The following ZMYND15 variants were observed in gnomAD, a reference collection of about 807,000 sequenced individuals.
ZMYND15 encodes the protein zinc finger MYND domain-containing protein 15.
ZMYND15 carries 54 observed loss-of-function variants against 81.7 expected under a neutral mutation model. The ratio of observed to expected loss-of-function variants is 0.66; its 90% CI spans 0.53 to 0.83. The LOEUF (loss-of-function observed/expected upper bound fraction) is 0.83, where lower values mean the gene tolerates loss of function less well. Among genes scored for constraint, ZMYND15 ranks in the 40% least tolerant of loss-of-function variants. The pLI is 0.00. For missense variants in ZMYND15, 925 were observed against 973.5 expected, an observed-to-expected ratio of 0.95 and a Z score of 0.66; for synonymous variants, 399 against 387.0, an observed-to-expected ratio of 1.03 and a Z score of -0.36.
At position 4,745,952 on chromosome 17, in the gene ZMYND15, G is replaced by A; in HGVS notation, c.2191G>A (p.Glu731Lys). 2 of 1,466,860 alleles carry A rather than the reference G, an allele frequency of 1.4e-6. No homozygotes were observed. The highest frequency in any genetic ancestry group is 1.8e-6 in the Non-Finnish European group (2 of 1,113,568). The allele number at this position is 1,466,860 out of a possible 1,614,324, so 90.9% of individuals were successfully genotyped here. The stretch of plus-strand genomic sequence containing the variant: ...TGCCCCCACCCGAAGGCGCCGAGGA[G>A]AAAAGAAACCTGGGCGGGGGGCCCG... ...PPAPTRRRRG[E>K]KKPGRGARRR... Residue 731 changes from glutamate (E) to lysine (K), a missense_variant, in exon 14 of 14, where the codon GAA (glutamate) becomes AAA (lysine). Glu to Lys is a moderately conservative substitution (Grantham distance 56). Transcript: ENST00000433935. The surrounding 1 kb of genome is among the most constrained non-coding windows in gnomAD (Gnocchi z 5.2).
chr17:4,742,108 A>G lies in ZMYND15; in HGVS notation c.983+38A>G, dbSNP rs766882851. 1.9e-5 allele frequency: 31 copies of G among 1,609,770 alleles called. No homozygotes were observed. In the East Asian group the frequency reaches 2.0e-4, roughly 10 times the overall value. On this transcript the variant is annotated intron_variant, in intron 4 of 13. Transcript: ENST00000433935. ...AAAGCTGGGGGAGAGGAAGACCCCAATAGGCAAATAGAAGGAAGGCAGGGT... is the reference window on the plus strand; with the variant it reads ...AAAGCTGGGGGAGAGGAAGACCCCAGTAGGCAAATAGAAGGAAGGCAGGGT...
In ZMYND15 at chr17:4,743,047, C is replaced by T. The variant is rs1916495080; in HGVS notation, c.1145-256C>T. Among the ~76,000 whole-genome samples the T allele has an allele frequency of 6.6e-6, 1 of 152,024 alleles. No homozygotes were observed. The highest frequency in any genetic ancestry group is 2.1e-4 in the South Asian group (1 of 4,824). On this transcript the variant is annotated intron_variant, in intron 5 of 13. Transcript: ENST00000433935. The surrounding 1 kb of genome is among the most constrained non-coding windows in gnomAD (Gnocchi z 4.3). Reference sequence around the variant, plus strand: ...CAACTTGAGCCCAGGAATTTGAGATCAGCCTGGGCAACATAGACTCTGTCT... The same window carrying T: ...CAACTTGAGCCCAGGAATTTGAGATTAGCCTGGGCAACATAGACTCTGTCT...
In ZMYND15 at chr17:4,742,357, G is replaced by A. The variant is rs1212221240; in HGVS notation, c.1010G>A (p.Cys337Tyr). Residue 337 changes from cysteine to tyrosine, a missense_variant, in exon 5 of 14, where the codon TGT becomes TAT. Transcript: ENST00000433935. The stretch of plus-strand genomic sequence containing the variant: ...CCCCAGTGTAGTGCTGTCTTGTATT[G>A]TGGAGAGGCTTGTCTCCGGGCTGAC... The part of the protein sequence containing the change: ...PCPQCSAVLY[C>Y]GEACLRADWQ... The A allele has an allele frequency of 4.3e-6, 7 of 1,614,130 alleles. No individual in the cohort carries two copies. The highest frequency in any genetic ancestry group is 5.9e-6 in the Non-Finnish European group (7 of 1,179,988).
rs1006836220 is a variant in ZMYND15 at position 4,743,175 on chromosome 17, G to A, written c.1145-128G>A. 1 of 1,111,182 alleles carries A rather than the reference G, an allele frequency of 9.0e-7. No homozygotes were observed. The highest frequency in any genetic ancestry group is 1.6e-5 in the African/African-American group (1 of 63,500). The allele number at this position is 1,111,182 out of a possible 1,614,324, so 68.8% of individuals were successfully genotyped here. A position where few individuals can be genotyped will look rare whatever the true frequency, so the allele number is the denominator to read the frequency against. On this transcript the variant is annotated intron_variant, in intron 5 of 13. Coordinates refer to ENST00000433935, the MANE Select transcript of ZMYND15 (RefSeq NM_001136046.3). The surrounding 1 kb of genome is among the most constrained non-coding windows in gnomAD (Gnocchi z 4.3). ...AATCGTTTGAGTCCAAGAGGTCGAG[G>A]CTGTAGTGTCCCGTGATCACGCCAC...
In ZMYND15 at chr17:4,741,976, T is replaced by C. The variant is rs977994212; in HGVS notation, c.889T>C (p.Trp297Arg). The change falls in exon 4 of 14, where the codon TGG (tryptophan) becomes CGG (arginine). Residue 297 changes from tryptophan to arginine, a missense_variant. Coordinates refer to ENST00000433935, the MANE Select transcript of ZMYND15 (RefSeq NM_001136046.3). ...VKLAKTPMRT[W>R]GPRPGFTFAS... ...GTTAGCCAAAACCCCAATGCGGACA[T>C]GGGGTCCCCGGCCAGGCTTCACCTT... 8 of 1,614,072 alleles carry C rather than the reference T, an allele frequency of 5.0e-6. No individual in the cohort carries two copies. The highest frequency in any genetic ancestry group is 6.8e-6 in the Non-Finnish European group (8 of 1,180,042).
Position 4,744,120 on chromosome 17 carries a change from G to T in ZMYND15, c.1495+13G>T, listed in dbSNP as rs1195975439. 6.2e-7 allele frequency: 1 copy of T among 1,608,762 alleles called. No individual in the cohort carries two copies. The highest frequency in any genetic ancestry group is 1.7e-5 in the Admixed American group (1 of 58,908). ...GTGCCCCAGTCCTGTAAGGAGAGCG[G>T]AGTGGGGGGTGGAGCAGGATGGGGG... is the stretch of plus-strand genomic sequence containing the variant. On this transcript the variant is annotated intron_variant, in intron 8 of 13. Coordinates refer to ENST00000433935, the MANE Select transcript of ZMYND15 (RefSeq NM_001136046.3). This position sits in a 1 kb window ranked among gnomAD's most constrained non-coding sequence, Gnocchi z 4.1.
At position 4,743,238 on chromosome 17, in the gene ZMYND15, C is replaced by CCA. The variant is rs1916505341; in HGVS notation, c.1145-65_1145-64insCA. ...TGGGTGATAGAGCAAGACTCTGTCT[C>CCA]AAAAAAAAAAAAATGTCTGGGGTTC... On this transcript the variant is annotated intron_variant, in intron 5 of 13. Coordinates refer to ENST00000433935, the MANE Select transcript of ZMYND15 (RefSeq NM_001136046.3). The surrounding 1 kb of genome is among the most constrained non-coding windows in gnomAD (Gnocchi z 4.3). 1.4e-6 allele frequency: 2 copies of CCA among 1,384,718 alleles called. No homozygotes were observed. The highest frequency in any genetic ancestry group is 2.7e-5 in the South Asian group (2 of 73,348). The allele number at this position is 1,384,718 out of a possible 1,614,324, so 85.8% of individuals were successfully genotyped here. A position where few individuals can be genotyped will look rare whatever the true frequency, so the allele number is the denominator to read the frequency against.
rs1013714807 is a variant in ZMYND15, at chr17:4,745,058, G to C, written c.1896+130G>C. 9.2e-6 allele frequency: 14 copies of C among 1,528,194 alleles called. No individual in the cohort carries two copies. In the African/African-American group the frequency reaches 1.6e-4, roughly 18 times the overall value. 94.7% of individuals were successfully genotyped at this position (1,528,194 alleles called of 1,614,324 possible). On this transcript the variant is annotated intron_variant, in intron 12 of 13. Coordinates refer to ENST00000433935, the MANE Select transcript of ZMYND15 (RefSeq NM_001136046.3). The surrounding 1 kb of genome is among the most constrained non-coding windows in gnomAD (Gnocchi z 5.2). Reference sequence around the variant, plus strand: ...CTCCACAAACCTGGGGAGTGCCCACGGGTCCCCCTGCCTCTCTCTGTGTCT... The same window carrying C: ...CTCCACAAACCTGGGGAGTGCCCACCGGTCCCCCTGCCTCTCTCTGTGTCT...
chr17:4,740,436 AC>A, intron 1 of ZMYND15, 82 bp from the exon 2 acceptor site: 1 of 1,424,714 alleles, frequency 7.0e-7, no homozygotes, highest in Middle Eastern at 1.9e-4. Context: ...TCTCAAACCT[AC>A]CCTCTCCCTC....
chr17:4,741,971 G>A lies in ZMYND15; in HGVS notation c.884G>A (p.Arg295Gln), dbSNP rs200238712. 27 of 1,614,080 alleles carry A rather than the reference G, an allele frequency of 1.7e-5. No individual in the cohort carries two copies. The highest frequency in any genetic ancestry group is 1.2e-4 in the African/African-American group (9 of 74,928). The change falls in exon 4 of 14, where the codon CGG becomes CAG. Residue 295 changes from arginine to glutamine, a missense_variant. Coordinates refer to ENST00000433935, the MANE Select transcript of ZMYND15 (RefSeq NM_001136046.3). ...LGVKLAKTPM[R>Q]TWGPRPGFTF... ...GTGAAGTTAGCCAAAACCCCAATGC[G>A]GACATGGGGTCCCCGGCCAGGCTTC...
Position 4,741,901 on chromosome 17 carries a change from C to A in ZMYND15, c.828-14C>A, listed in dbSNP as rs148386970. ...CCTCCAGCCTGATGCCATCTCCCCC[C>A]CAACTGCATTTAGAGAGCTGGAGAG... On this transcript the variant is annotated splice_polypyrimidine_tract_variant and intron_variant, in intron 3 of 13. Coordinates refer to ENST00000433935, the MANE Select transcript of ZMYND15 (RefSeq NM_001136046.3). The A allele has an allele frequency of 2.4e-4, 381 of 1,612,216 alleles. No homozygotes were observed. The highest frequency in any genetic ancestry group is 3.0e-4 in the Non-Finnish European group (356 of 1,178,634).
chr17:4,744,863 T>C lies in ZMYND15; in HGVS notation c.1838-7T>C, dbSNP rs531692993. On this transcript the variant is annotated splice_polypyrimidine_tract_variant and splice_region_variant and intron_variant, in intron 11 of 13. Coordinates refer to ENST00000433935, the MANE Select transcript of ZMYND15 (RefSeq NM_001136046.3). This position sits in a 1 kb window ranked among gnomAD's most constrained non-coding sequence, Gnocchi z 4.1. ...GGAGCCAGCTTCTCCCTCCTCTCTG[T>C]CTGCAGGATTTAACTCCGGGTTTGC... 9 of 1,614,088 alleles carry C rather than the reference T, an allele frequency of 5.6e-6. No individual in the cohort carries two copies. The East Asian group carries it at 1.6e-4, about 28-fold the overall frequency.
In ZMYND15 at chr17:4,739,952, G is replaced by A. The variant is rs1434059920; in HGVS notation, c.-129G>A. ...CCGAGCCCGGGGGGCGTGGCCGCCC[G>A]CTGAGCCGGCGAGGGCTCGGGCAGC... On this transcript the variant is annotated 5_prime_UTR_variant, in exon 1 of 14. Transcript: ENST00000433935. This position sits in a 1 kb window ranked among gnomAD's most constrained non-coding sequence, Gnocchi z 5.3. 2.6e-5 allele frequency: 26 copies of A among 985,132 alleles called. No individual in the cohort carries two copies. The highest frequency in any genetic ancestry group is 3.1e-5 in the Non-Finnish European group (26 of 829,922). The allele number at this position is 985,132 out of a possible 1,614,324, so 61.0% of individuals were successfully genotyped here.
rs779845411 is a variant in ZMYND15, at chr17:4,741,902, C to A, written c.828-13C>A. The A allele has an allele frequency of 6.2e-7, 1 of 1,612,306 alleles. No homozygotes were observed. Among genetic ancestry groups the A allele is most frequent in the South Asian group, 1.1e-5 (1 of 90,916 alleles). On this transcript the variant is annotated splice_polypyrimidine_tract_variant and intron_variant, in intron 3 of 13. Transcript: ENST00000433935. The stretch of plus-strand genomic sequence containing the variant: ...CTCCAGCCTGATGCCATCTCCCCCC[C>A]AACTGCATTTAGAGAGCTGGAGAGC...
rs777360909 is a variant in ZMYND15 at position 4,742,449 on chromosome 17, CG to C, written c.1105del (p.Ala369GlnfsTer15). On this transcript the variant is annotated frameshift_variant, in exon 5 of 14. Coordinates refer to ENST00000433935, the MANE Select transcript of ZMYND15 (RefSeq NM_001136046.3). LOFTEE classifies it high-confidence loss of function. ...WCPRLAAFME[R>X]AGELATLPFT... Reference sequence around the variant, plus strand: ...CCCAAGGCTTGCAGCCTTCATGGAGCGGGCAGGAGAACTGGCAACCCTGCCT... The same window carrying C: ...CCCAAGGCTTGCAGCCTTCATGGAGCGGCAGGAGAACTGGCAACCCTGCCT... 5.0e-6 allele frequency: 8 copies of C among 1,614,144 alleles called. No homozygotes were observed. The East Asian group carries it at 1.6e-4, about 31-fold the overall frequency.
chr17:4,742,924 TTA>T (rs1916490386), intron 5 of ZMYND15, among the ~76,000 whole-genome samples: 1 of 152,070 alleles, frequency 6.6e-6, no homozygotes, highest in Non-Finnish European at 1.5e-5. Flanking sequence ...GGAACCAGAC[TTA>T]GAACCAGGGT....
chr17:4,742,563 G>A (rs1916474806), intron 5 of ZMYND15, 72 bp downstream of exon 5: 2 of 1,570,234 alleles, frequency 1.3e-6, no homozygotes, highest in Non-Finnish European at 1.7e-6. Context: ...TAGATGTCTG[G>A]GAACAGGGTC....
At chr17:4,741,161 C>T (rs1916391814) in intron 2 of ZMYND15, 21 bp downstream of exon 2, 2 of 1,413,916 alleles carry the variant, frequency 1.4e-6, no homozygotes, top group South Asian at 1.7e-5. Context: ...AGGGCTGGCC[C>T]TGCCCTACCC....
Position 4,745,779 on chromosome 17 carries a change from C to A in ZMYND15, c.2058-40C>A. On this transcript the variant is annotated intron_variant, in intron 13 of 13. Coordinates refer to ENST00000433935, the MANE Select transcript of ZMYND15 (RefSeq NM_001136046.3). The surrounding 1 kb of genome is among the most constrained non-coding windows in gnomAD (Gnocchi z 5.2). ...CCTGGGAGCGCCGACCCCTGGGAGT[C>A]CCGCCCCGTGGTCCCTGACTGCGCC... The A allele has an allele frequency of 4.7e-6, 6 of 1,263,898 alleles. No homozygotes were observed. The highest frequency in any genetic ancestry group is 5.4e-6 in the Non-Finnish European group (5 of 930,944). The allele number at this position is 1,263,898 out of a possible 1,614,324, so 78.3% of individuals were successfully genotyped here. A position where few individuals can be genotyped will look rare whatever the true frequency, so the allele number is the denominator to read the frequency against.
Sources: gnomAD v4.1 joint callset for allele counts (sites outside exome capture counted in the v4.1 genomes callset) on GRCh38, gnomAD v4.1.1 for gene constraint, Gnocchi (gnomAD v3.1) non-coding constraint, MANE v1.5 for transcripts, NCBI Gene and HGNC (gene_info 2026-07-23, HGNC 2026-07-21) for gene names.